Variants in CCDC178 observed in about 807,000 individuals in gnomAD.
CCDC178 encodes the protein coiled-coil domain containing 178, also known as coiled-coil domain-containing protein 178.
CCDC178 carries 126 observed loss-of-function variants against 117.4 expected under a neutral mutation model. That is an observed-to-expected ratio of 1.07 (90% confidence interval 0.93 to 1.24). The LOEUF (loss-of-function observed/expected upper bound fraction) is 1.24, where lower values mean the gene tolerates loss of function less well. Ranked by LOEUF, CCDC178 falls within the 50% of genes most tolerant of loss-of-function variation. The pLI, the probability that CCDC178 is intolerant of heterozygous loss-of-function variation, is 0.00. For missense variants in CCDC178, 1,030 were observed against 986.9 expected (o/e 1.04, Z -0.59); for synonymous variants, 283 against 313.4 (o/e 0.90, Z 1.02).
intron 15 of CCDC178, among the ~76,000 whole-genome samples, chr18:33,233,624 T>C (rs956642579): frequency 2.6e-5 from 4 of 151,974 alleles, no homozygotes; most frequent in Non-Finnish European, 5.9e-5. Flanking sequence ...CCTCACGCTA[T>C]AGGAGTATTT....
intron 21 of CCDC178, among the ~76,000 whole-genome samples, chr18:33,002,990 A>G (rs2055671346): frequency 1.3e-5 from 2 of 152,160 alleles, no homozygotes; most frequent in Admixed American, 1.3e-4. Context: ...GAAAGCCACA[A>G]TCTGAACAGA....
Position 33,359,264 on chromosome 18 carries a change from CATT to C in CCDC178, c.349-2921_349-2919del, listed in dbSNP as rs1292021509. 4.6e-5 allele frequency among the ~76,000 whole-genome samples: 7 copies of C among 151,814 alleles called. No homozygotes were observed. In the East Asian group the frequency reaches 1.2e-3, roughly 25 times the overall value. ...AATCATTTATTTTATAAAGATAAAA[CATT>C]ATTACTCCAAATTTTTGAAGCAGAG... On this transcript the variant is annotated intron_variant, in intron 6 of 22. Coordinates refer to ENST00000383096, the MANE Select transcript of CCDC178 (RefSeq NM_001105528.4).
intron 20 of CCDC178, among the ~76,000 whole-genome samples, chr18:33,178,107 T>C (rs1456805775): frequency 6.6e-6 from 1 of 152,060 alleles, no homozygotes; most frequent in Non-Finnish European, 1.5e-5. Context: ...TGTATCAACA[T>C]CTTACATCTC....
At chr18:33,238,086 T>C (rs1418638622) in intron 15 of CCDC178, among the ~76,000 whole-genome samples, 1 of 152,198 alleles carries the variant, frequency 6.6e-6, no homozygotes, top group African/African-American at 2.4e-5. Flanking sequence ...TACATTACTG[T>C]ATCCACCTGG....
At chr18:33,252,783 A>T (rs1223726528) in intron 14 of CCDC178, among the ~76,000 whole-genome samples, 2 of 151,730 alleles carry the variant, frequency 1.3e-5, no homozygotes, top group Non-Finnish European at 3.0e-5. Flanking sequence ...TTTTTTGCTC[A>T]TTTCCCTCAA....
At chr18:32,982,711 A>C (rs2055177657) in intron 21 of CCDC178, among the ~76,000 whole-genome samples, 1 of 151,990 alleles carries the variant, frequency 6.6e-6, no homozygotes, top group South Asian at 2.1e-4. Context: ...ATCCAAACAG[A>C]AAATTAACAG....
chr18:33,184,752 T>C (rs2058770955), intron 20 of CCDC178, among the ~76,000 whole-genome samples: 1 of 152,036 alleles, frequency 6.6e-6, no homozygotes, highest in Non-Finnish European at 1.5e-5. Context: ...CATTCTGTAA[T>C]AGTGAAGTAT....
chr18:33,354,255 T>C (rs979826823), intron 7 of CCDC178, among the ~76,000 whole-genome samples: 4 of 152,152 alleles, frequency 2.6e-5, no homozygotes, highest in African/African-American at 7.2e-5. Context: ...AAAATGTATA[T>C]GGGTGTGGAT....
intron 6 of CCDC178, among the ~76,000 whole-genome samples, chr18:33,365,775 C>T (rs2063196160): frequency 6.6e-6 from 1 of 151,856 alleles, no homozygotes; most frequent in African/African-American, 2.4e-5. Context: ...AGTGCTCACT[C>T]TAAATTAAAT....
At chr18:32,952,885 G>A (rs955912111) in intron 22 of CCDC178, among the ~76,000 whole-genome samples, 7 of 149,948 alleles carry the variant, frequency 4.7e-5, no homozygotes, top group Non-Finnish European at 7.4e-5. Flanking sequence ...CCATTCTCCT[G>A]CCTCAGCCTC....
intron 11 of CCDC178, among the ~76,000 whole-genome samples, chr18:33,311,678 T>G (rs2062343506): frequency 6.6e-6 from 1 of 152,198 alleles, no homozygotes; most frequent in Admixed American, 6.5e-5. Context: ...AGAGGGCTTG[T>G]GCCACCAAGG....
intron 20 of CCDC178, among the ~76,000 whole-genome samples, chr18:33,207,651 T>G (rs1296841914): frequency 6.6e-6 from 1 of 151,768 alleles, no homozygotes; most frequent in Non-Finnish European, 1.5e-5. Flanking sequence ...ATAATTGCAA[T>G]AGATGCTTCT....
chr18:33,015,583 A>AAACAACAAC (rs149187577), intron 21 of CCDC178, among the ~76,000 whole-genome samples: 3,112 of 151,722 alleles, frequency 0.021, 48 homozygotes, highest in African/African-American at 0.047. Context: ...CAACAACAAC[A>AAACAACAAC]AACAACAACA....
At chr18:33,381,758 C>T (rs78645203) in intron 5 of CCDC178, among the ~76,000 whole-genome samples, 244 of 152,174 alleles carry the variant, frequency 1.6e-3, no homozygotes, top group African/African-American at 5.7e-3. Flanking sequence ...TCATTTGGCA[C>T]GTACTTCCTT....
At chr18:33,281,117 A>AATAATAATAATAATAATAATAATAAT (rs1463010708) in intron 12 of CCDC178, among the ~76,000 whole-genome samples, 14 of 124,988 alleles carry the variant, frequency 1.1e-4, no homozygotes, top group African/African-American at 3.7e-4. Flanking sequence ...ATAATAATAA[A>AATAATAATAATAATAATAATAATAAT]GAAACACACA....
chr18:32,973,429 T>C (rs1185642616), intron 22 of CCDC178, among the ~76,000 whole-genome samples: 2 of 152,134 alleles, frequency 1.3e-5, no homozygotes, highest in Non-Finnish European at 2.9e-5. Flanking sequence ...AATAATGCAA[T>C]TGTAGTTTGT....
At chr18:33,178,069 T>C (rs1350164569) in intron 20 of CCDC178, among the ~76,000 whole-genome samples, 2 of 152,086 alleles carry the variant, frequency 1.3e-5, no homozygotes, top group Non-Finnish European at 2.9e-5. Flanking sequence ...AAAACTTCAA[T>C]GCAATATTTG....
chr18:33,154,460 C>T (rs1262451316), intron 20 of CCDC178, among the ~76,000 whole-genome samples: 1 of 150,618 alleles, frequency 6.6e-6, no homozygotes. Context: ...TAAATACAGT[C>T]AAGGAATTAA....
chr18:33,235,904 C>T (rs1424720443), intron 15 of CCDC178, among the ~76,000 whole-genome samples: 1 of 152,134 alleles, frequency 6.6e-6, no homozygotes, highest in Admixed American at 6.5e-5. Flanking sequence ...TGACACTTGG[C>T]CAAACACCTC....
Sources: allele counts gnomAD v4.1 joint callset (sites outside exome capture counted in the v4.1 genomes callset), GRCh38; gene constraint gnomAD v4.1.1; transcripts MANE v1.5; gene names NCBI Gene and HGNC (gene_info 2026-07-23, HGNC 2026-07-21).